The following MDFIC2 variants were observed in gnomAD, a reference collection of about 807,000 sequenced individuals.
MDFIC2 encodes the protein MyoD family inhibitor domain containing 2.
intron 2 of MDFIC2, among the ~76,000 whole-genome samples, chr3:70,248,016 C>T (rs751788930): frequency 1.3e-5 from 2 of 151,920 alleles, no homozygotes; most frequent in Non-Finnish European, 2.9e-5. Context: ...TCAATTCGAT[C>T]CATCTTTGTA....
At chr3:70,202,668 T>A (rs895804025) in intron 3 of MDFIC2, among the ~76,000 whole-genome samples, 1 of 152,134 alleles carries the variant, frequency 6.6e-6, no homozygotes, top group African/African-American at 2.4e-5. Context: ...AGTGGTGTTT[T>A]GCTGGGAGCA....
chr3:70,247,683 A>G (rs1418867113), intron 2 of MDFIC2, among the ~76,000 whole-genome samples: 1 of 151,910 alleles, frequency 6.6e-6, no homozygotes, highest in Non-Finnish European at 1.5e-5. Flanking sequence ...CATCATTATC[A>G]TTGGTTTTGT....
chr3:70,282,313 A>G (rs999267949), intron 2 of MDFIC2, among the ~76,000 whole-genome samples: 31 of 152,298 alleles, frequency 2.0e-4, no homozygotes, highest in African/African-American at 7.0e-4. Flanking sequence ...AGATGTATCC[A>G]CCACATGGAA....
At chr3:70,299,640 A>G (rs1454153159) in intron 2 of MDFIC2, among the ~76,000 whole-genome samples, 2 of 151,962 alleles carry the variant, frequency 1.3e-5, no homozygotes, top group African/African-American at 2.4e-5. Context: ...CAATATCTCA[A>G]ATTCGGAATT....
intron 2 of MDFIC2, among the ~76,000 whole-genome samples, chr3:70,266,066 C>T (rs544591514): frequency 6.6e-6 from 1 of 152,322 alleles, no homozygotes; most frequent in South Asian, 2.1e-4. Context: ...AATGAGAAAT[C>T]TCTTTGTCTT....
At chr3:70,225,426 T>C (rs1701494550) in intron 2 of MDFIC2, among the ~76,000 whole-genome samples, 1 of 149,338 alleles carries the variant, frequency 6.7e-6, no homozygotes. Context: ...CACATTGATC[T>C]TTTTTTATAG....
At chr3:70,208,853 T>G (rs891567886) in intron 2 of MDFIC2, among the ~76,000 whole-genome samples, 1 of 152,126 alleles carries the variant, frequency 6.6e-6, no homozygotes, top group African/African-American at 2.4e-5. Flanking sequence ...ATTTCTATTC[T>G]CTTCCTTTTA....
chr3:70,307,985 C>T (rs926526209), intron 2 of MDFIC2, among the ~76,000 whole-genome samples: 1 of 152,210 alleles, frequency 6.6e-6, no homozygotes, highest in African/African-American at 2.4e-5. Context: ...TGACTGCCTT[C>T]AAGACTGGAC....
intron 2 of MDFIC2, among the ~76,000 whole-genome samples, chr3:70,286,490 T>C (rs1041234353): frequency 6.6e-6 from 1 of 151,638 alleles, no homozygotes; most frequent in African/African-American, 2.4e-5. Context: ...AGTCAGGTAG[T>C]GTGATGCCTC....
At chr3:70,198,477 A>G (rs911889475) in intron 3 of MDFIC2, among the ~76,000 whole-genome samples, 1 of 152,216 alleles carries the variant, frequency 6.6e-6, no homozygotes, top group African/African-American at 2.4e-5. Flanking sequence ...ACTTCCTATG[A>G]AAAGGAACAA....
chr3:70,298,952 T>G (rs1259001693), intron 2 of MDFIC2, among the ~76,000 whole-genome samples: 1 of 152,168 alleles, frequency 6.6e-6, no homozygotes, highest in African/African-American at 2.4e-5. Context: ...CACATATATT[T>G]TATGCAACTA....
chr3:70,252,557 T>TA (rs1701779528), intron 2 of MDFIC2, among the ~76,000 whole-genome samples: 1 of 152,136 alleles, frequency 6.6e-6, no homozygotes, highest in African/African-American at 2.4e-5. Context: ...GCAAACAATA[T>TA]AAATCAATAA....
chr3:70,239,137 C>G (rs149222156), intron 2 of MDFIC2, among the ~76,000 whole-genome samples: 37 of 152,230 alleles, frequency 2.4e-4, no homozygotes, highest in African/African-American at 8.9e-4. Context: ...TTCATCAGTT[C>G]TATTCAATTT....
chr3:70,301,044 A>G (rs1299895561), intron 2 of MDFIC2, among the ~76,000 whole-genome samples: 1 of 152,072 alleles, frequency 6.6e-6, no homozygotes, highest in African/African-American at 2.4e-5. Flanking sequence ...TCTTTATGTT[A>G]TAGTTTTTCC....
chr3:70,303,244 A>G (rs1448093807), intron 2 of MDFIC2, among the ~76,000 whole-genome samples: 4 of 151,982 alleles, frequency 2.6e-5, no homozygotes, highest in Non-Finnish European at 5.9e-5. Context: ...TGATGCTCGA[A>G]CCCTGAATTC....
chr3:70,267,690 A>G (rs770681927), intron 2 of MDFIC2, among the ~76,000 whole-genome samples: 3 of 150,438 alleles, frequency 2.0e-5, no homozygotes, highest in Non-Finnish European at 4.4e-5. Context: ...TGCTGGGATT[A>G]CAGGCGAGAG....
At chr3:70,252,937 G>C (rs542095163) in intron 2 of MDFIC2, among the ~76,000 whole-genome samples, 1 of 151,840 alleles carries the variant, frequency 6.6e-6, no homozygotes, top group Non-Finnish European at 1.5e-5. Flanking sequence ...AAAATTAGCC[G>C]GCTGTGGTGG....
chr3:70,305,010 A>G (rs762308322), intron 2 of MDFIC2, among the ~76,000 whole-genome samples: 1 of 152,034 alleles, frequency 6.6e-6, no homozygotes, highest in Non-Finnish European at 1.5e-5. Flanking sequence ...TTTTTGCAGC[A>G]CTGGCTCATT....
intron 2 of MDFIC2, among the ~76,000 whole-genome samples, chr3:70,285,105 G>A (rs1168294123): frequency 6.8e-6 from 1 of 146,360 alleles, no homozygotes; most frequent in Non-Finnish European, 1.5e-5. Context: ...TGTGCACATT[G>A]TGCAGGTTAG....
Sources: allele counts gnomAD v4.1 joint callset (sites outside exome capture counted in the v4.1 genomes callset), GRCh38; gene constraint gnomAD v4.1.1; transcripts MANE v1.5; gene names NCBI Gene and HGNC (gene_info 2026-07-23, HGNC 2026-07-21).